Variants in DRD2 observed in about 807,000 individuals in gnomAD.
The protein encoded by DRD2 is dopamine receptor D2.
In DRD2, 8 loss-of-function variants were observed where a neutral mutation model predicts 38.0. The ratio of observed to expected loss-of-function variants is 0.21; its 90% CI spans 0.12 to 0.38. The LOEUF (loss-of-function observed/expected upper bound fraction) is 0.38. DRD2 is among the 10% of genes least tolerant of loss of function. The pLI is 1.00. For missense variants in DRD2, 403 were observed against 607.7 expected, an observed-to-expected ratio of 0.66 and a Z score of 3.54; for synonymous variants, 230 against 238.6, an observed-to-expected ratio of 0.96 and a Z score of 0.33.
At chr11:113,470,382 G>T (rs1032022796) in intron 1 of DRD2, among the ~76,000 whole-genome samples, 1 of 152,130 alleles carries the variant, frequency 6.6e-6, no homozygotes, top group Non-Finnish European at 1.5e-5. Flanking sequence ...TGTGCTGAGC[G>T]ACAGCTTCCT....
intron 1 of DRD2, among the ~76,000 whole-genome samples, chr11:113,439,912 A>G (rs1007195158): frequency 7.1e-6 from 1 of 141,592 alleles, no homozygotes; most frequent in South Asian, 2.4e-4. Context: ...TGACTCACCC[A>G]GGTTCATAGA....
At chr11:113,469,698 G>C (rs569115197) in intron 1 of DRD2, among the ~76,000 whole-genome samples, 7 of 152,012 alleles carry the variant, frequency 4.6e-5, no homozygotes, top group Non-Finnish European at 1.5e-5. Flanking sequence ...AAATTAGTTG[G>C]GCATGCTGGC....
At chr11:113,432,087 G>C (rs943054349) in intron 1 of DRD2, among the ~76,000 whole-genome samples, 12 of 152,226 alleles carry the variant, frequency 7.9e-5, no homozygotes, top group African/African-American at 2.2e-4. Context: ...AGGGAAAAAA[G>C]CTCCTTTAAG....
At chr11:113,446,187 A>C (rs182458638) in intron 1 of DRD2, among the ~76,000 whole-genome samples, 1 of 152,238 alleles carries the variant, frequency 6.6e-6, no homozygotes, top group African/African-American at 2.4e-5. Context: ...CCTTTCCAGA[A>C]GCCCTGATGA....
At chr11:113,437,310 T>C (rs1565669586) in intron 1 of DRD2, among the ~76,000 whole-genome samples, 2 of 152,164 alleles carry the variant, frequency 1.3e-5, no homozygotes, top group South Asian at 2.1e-4. Flanking sequence ...GAGTTGAGTA[T>C]GGATCTAGGG....
At chr11:113,449,280 C>T (rs1324189816) in intron 1 of DRD2, among the ~76,000 whole-genome samples, 2 of 152,168 alleles carry the variant, frequency 1.3e-5, no homozygotes, top group Admixed American at 6.5e-5. Context: ...CTGAGCTCAT[C>T]AAGACTTCTT....
At chr11:113,421,021 C>A (rs1265611418) in intron 2 of DRD2, among the ~76,000 whole-genome samples, 1 of 152,138 alleles carries the variant, frequency 6.6e-6, no homozygotes, top group Non-Finnish European at 1.5e-5. Context: ...ATGTGTCAGG[C>A]ACTGTTCCAA....
intron 1 of DRD2, among the ~76,000 whole-genome samples, chr11:113,453,699 T>G (rs928536995): frequency 9.8e-5 from 15 of 152,314 alleles, no homozygotes; most frequent in Middle Eastern, 3.4e-3. Flanking sequence ...ATTAACACGT[T>G]CCATGACGGA....
At chr11:113,450,463 T>C (rs1231239989) in intron 1 of DRD2, among the ~76,000 whole-genome samples, 2 of 152,194 alleles carry the variant, frequency 1.3e-5, no homozygotes, top group African/African-American at 2.4e-5. Context: ...GGATCAGAAC[T>C]CACATCTCAA....
chr11:113,451,527 T>C (rs978564530), intron 1 of DRD2, among the ~76,000 whole-genome samples: 20 of 152,230 alleles, frequency 1.3e-4, no homozygotes, highest in Non-Finnish European at 2.6e-4. Flanking sequence ...AATCTTGCTC[T>C]GTCACCCAGG....
chr11:113,433,997 C>A (rs971476354), intron 1 of DRD2, among the ~76,000 whole-genome samples: 5 of 152,204 alleles, frequency 3.3e-5, no homozygotes, highest in Admixed American at 2.6e-4. Context: ...CCCTAAGCCC[C>A]TTCCTGCCAC....
In DRD2 at chr11:113,410,685, A is replaced by G; in HGVS notation, c.*42T>C. 1 of 1,612,728 alleles carries G rather than the reference A, an allele frequency of 6.2e-7. No individual in the cohort carries two copies. Among genetic ancestry groups the G allele is most frequent in the East Asian group, 2.2e-5 (1 of 44,858 alleles). Reference sequence around the variant, plus strand: ...AAGGGTGAGGCTGGCCGGCCTGGGCAGGGAGGTGGGAAGCAGGCTGCTGTG... The same window carrying G: ...AAGGGTGAGGCTGGCCGGCCTGGGCGGGGAGGTGGGAAGCAGGCTGCTGTG... On this transcript the variant is annotated 3_prime_UTR_variant, in exon 8 of 8. Coordinates refer to ENST00000362072, the MANE Select transcript of DRD2 (RefSeq NM_000795.4).
intron 1 of DRD2, among the ~76,000 whole-genome samples, chr11:113,437,947 C>T (rs964320251): frequency 6.6e-6 from 1 of 152,176 alleles, no homozygotes; most frequent in African/African-American, 2.4e-5. Context: ...CTCATCCCGA[C>T]AACAGACTGG....
At chr11:113,417,394 T>C (rs891069057) in intron 3 of DRD2, among the ~76,000 whole-genome samples, 1 of 152,196 alleles carries the variant, frequency 6.6e-6, no homozygotes, top group African/African-American at 2.4e-5. Context: ...CAGAGCAAGA[T>C]TTAAGCCTTA....
rs1472325469 is a variant in DRD2, at chr11:113,415,558, C to T, written c.586G>A (p.Val196Ile). 2.5e-6 allele frequency: 4 copies of T among 1,614,064 alleles called. No individual in the cohort carries two copies. Among genetic ancestry groups the T allele is most frequent in the Non-Finnish European group, 3.4e-6 (4 of 1,180,008 alleles). Residue 196 changes from valine to isoleucine, a missense_variant, in exon 5 of 8, where the codon GTC (valine) becomes ATC (isoleucine). By Grantham distance (29) the Val-to-Ile change is conservative. Transcript: ENST00000362072. ...ACAATGAAGGGCACGTAGAAGGAGA[C>T]GATGGAGGAGTAGACCACGAAGGCC... ...NPAFVVYSSI[V>I]SFYVPFIVTL...
At chr11:113,448,732 G>A (rs1382940793) in intron 1 of DRD2, among the ~76,000 whole-genome samples, 1 of 152,172 alleles carries the variant, frequency 6.6e-6, no homozygotes, top group Non-Finnish European at 1.5e-5. Flanking sequence ...CCTCATTCGG[G>A]TTCCCTAGAG....
At chr11:113,437,453 T>C (rs762603262) in intron 1 of DRD2, among the ~76,000 whole-genome samples, 2 of 152,168 alleles carry the variant, frequency 1.3e-5, no homozygotes, top group Non-Finnish European at 2.9e-5. Flanking sequence ...CCAAAGGAAC[T>C]TCTCATATAA....
At chr11:113,422,698 A>T (rs943574674) in intron 2 of DRD2, among the ~76,000 whole-genome samples, 2 of 152,166 alleles carry the variant, frequency 1.3e-5, no homozygotes, top group South Asian at 2.1e-4. Flanking sequence ...TAGTAAAGGA[A>T]GCCAAGGGGT....
chr11:113,431,792 C>A (rs12800853), intron 1 of DRD2, among the ~76,000 whole-genome samples: 1 of 152,102 alleles, frequency 6.6e-6, no homozygotes, highest in Non-Finnish European at 1.5e-5. Flanking sequence ...ACCCTATATG[C>A]CTTACAAATG....
Sources: allele counts gnomAD v4.1 joint callset (sites outside exome capture counted in the v4.1 genomes callset), GRCh38; gene constraint gnomAD v4.1.1; transcripts MANE v1.5; gene names NCBI Gene and HGNC (gene_info 2026-07-23, HGNC 2026-07-21).